Variants in SNW1 observed in about 807,000 individuals in gnomAD.
SNW1 encodes SNW domain-containing protein 1.
In SNW1, 9 loss-of-function variants were observed where a neutral mutation model predicts 75.6. That is an observed-to-expected ratio of 0.12 (90% CI 0.07 to 0.21). SNW1 has a LOEUF of 0.21. SNW1 is among the 10% of genes least tolerant of loss of function. The pLI is 1.00. For missense variants in SNW1, 409 were observed against 670.9 expected, an observed-to-expected ratio of 0.61 and a Z score of 4.31; for synonymous variants, 200 against 219.1, an observed-to-expected ratio of 0.91 and a Z score of 0.77.
chr14:77,724,137 C>A (rs2080565601), intron 10 of SNW1, among the ~76,000 whole-genome samples: 1 of 152,072 alleles, frequency 6.6e-6, no homozygotes. Flanking sequence ...GACAGATGGA[C>A]AGAAAGATGG....
At chr14:77,749,481 A>G in intron 3 of SNW1, among the ~76,000 whole-genome samples, 1 of 152,308 alleles carries the variant, frequency 6.6e-6, no homozygotes, top group African/African-American at 2.4e-5. Flanking sequence ...CTTTCAAAAG[A>G]TAAGAAAGGC....
In SNW1 at chr14:77,759,413, T is replaced by C. The variant is rs116784012; in HGVS notation, c.14+1701A>G. ...TAGAGTCCCAGCTACTCTAGGGCGC[T>C]GAGGCAGGAGGATCACCTGAGCCTT... On this transcript the variant is annotated intron_variant, in intron 1 of 13. Transcript: ENST00000261531. Among the ~76,000 whole-genome samples the C allele has an allele frequency of 5.1e-3, 774 of 152,206 alleles. 9 individuals carry two copies. Among genetic ancestry groups the C allele is most frequent in the African/African-American group, 0.017 (719 of 41,528 alleles).
intron 1 of SNW1, among the ~76,000 whole-genome samples, chr14:77,759,141 TGG>T (rs1164176729): frequency 8.0e-6 from 1 of 125,350 alleles, no homozygotes; most frequent in East Asian, 3.1e-4. Flanking sequence ...ATGGTAGGTA[TGG>T]AAAGCTCTGG....
intron 13 of SNW1, 21 bp from the exon 14 acceptor site, chr14:77,718,307 CTA>C (rs760543404): frequency 1.6e-5 from 26 of 1,614,094 alleles, no homozygotes; most frequent in Admixed American, 8.3e-5. Flanking sequence ...GGAGAAAAAA[CTA>C]TGAACTACTT....
chr14:77,753,778 C>T (rs556910862), intron 2 of SNW1, among the ~76,000 whole-genome samples: 2 of 151,698 alleles, frequency 1.3e-5, no homozygotes, highest in African/African-American at 2.4e-5. Context: ...ATGGTGAAAC[C>T]CTGTCTGTAC....
Position 77,717,705 on chromosome 14 carries a change from A to C in SNW1, c.*383T>G, listed in dbSNP as rs1444661616. The C allele has an allele frequency of 1.4e-6, 1 of 708,370 alleles. No homozygotes were observed. The highest frequency in any genetic ancestry group is 2.7e-5 in the Admixed American group (1 of 37,196). 43.9% of individuals were successfully genotyped at this position (708,370 alleles called of 1,614,324 possible). On this transcript the variant is annotated 3_prime_UTR_variant, in exon 14 of 14. Transcript: ENST00000261531. ...ACAATAGGGGCAAAATTTATTTGGC[A>C]GGACAGTTCCAGTATGTGAACATCT...
intron 2 of SNW1, among the ~76,000 whole-genome samples, chr14:77,754,337 C>T (rs2080829140): frequency 6.6e-6 from 1 of 152,148 alleles, no homozygotes; most frequent in Non-Finnish European, 1.5e-5. Context: ...AGCCACTGCG[C>T]CCGACCGGAA....
chr14:77,738,282 C>CA, intron 5 of SNW1, among the ~76,000 whole-genome samples: 1 of 152,214 alleles, frequency 6.6e-6, no homozygotes, highest in South Asian at 2.1e-4. Context: ...GCCTGGGCAA[C>CA]AGAGCAAGAT....
At chr14:77,759,371 G>A (rs2080867585) in intron 1 of SNW1, among the ~76,000 whole-genome samples, 1 of 152,010 alleles carries the variant, frequency 6.6e-6, no homozygotes, top group Admixed American at 6.6e-5. Flanking sequence ...AATTAACTGG[G>A]CATCATGGCA....
intron 10 of SNW1, among the ~76,000 whole-genome samples, chr14:77,725,475 T>C (rs2080577694): frequency 6.6e-6 from 1 of 152,238 alleles, no homozygotes; most frequent in African/African-American, 2.4e-5. Context: ...TACATTTAAG[T>C]CTTTAATCCA....
At chr14:77,733,781 GA>G (rs200472825) in intron 8 of SNW1, among the ~76,000 whole-genome samples, 5 of 98,444 alleles carry the variant, frequency 5.1e-5, no homozygotes, top group Admixed American at 9.7e-5. Context: ...AAAGAAAAAA[GA>G]AAAAAAAATG....
chr14:77,736,550 AAAAAC>A (rs796476139), intron 6 of SNW1, among the ~76,000 whole-genome samples: 1,085 of 95,030 alleles, frequency 0.011, 7 homozygotes, highest in Middle Eastern at 0.047. Context: ...CTGTCTCTCA[AAAAAC>A]AAAAACAAAA....
At chr14:77,742,899 G>C (rs1424168436) in intron 3 of SNW1, among the ~76,000 whole-genome samples, 1 of 151,526 alleles carries the variant, frequency 6.6e-6, no homozygotes, top group Non-Finnish European at 1.5e-5. Flanking sequence ...TATTTCAGAG[G>C]GAAAAATACA....
chr14:77,733,885 C>T (rs947840604), intron 8 of SNW1: 4 of 415,326 alleles, frequency 9.6e-6, no homozygotes, highest in African/African-American at 8.2e-5. Flanking sequence ...AACTTTCAGG[C>T]TTAGCTTTAT....
At chr14:77,743,273 A>G (rs1169444315) in intron 3 of SNW1, among the ~76,000 whole-genome samples, 1 of 152,014 alleles carries the variant, frequency 6.6e-6, no homozygotes, top group Non-Finnish European at 1.5e-5. Flanking sequence ...AAAAAAAAGC[A>G]TTTGGTTGTA....
Position 77,755,078 on chromosome 14 carries a change from C to T in SNW1, c.57G>A (p.Glu19=). 1 of 1,613,036 alleles carries T rather than the reference C, an allele frequency of 6.2e-7. No homozygotes were observed. The highest frequency in any genetic ancestry group is 8.5e-7 in the Non-Finnish European group (1 of 1,179,936). The part of the protein sequence containing the change: ...APTQLSQDQL[E]AEEKARSQRS... ...TCTGGGATCTTGCCTTTTCTTCAGC[C>T]TCAAGCTGGTCCTGAGATAGCTGAG... Residue 19 remains glutamate (E), a synonymous_variant, in exon 2 of 14, where the codon GAG becomes GAA. Transcript: ENST00000261531.
intron 5 of SNW1, 102 bp downstream of exon 5, chr14:77,738,676 G>A: frequency 1.3e-6 from 1 of 765,560 alleles, no homozygotes; most frequent in Non-Finnish European, 2.2e-6. Context: ...TGAAAACAAT[G>A]CATTTATAAT....
chr14:77,734,229 C>G (rs1468411253), intron 8 of SNW1, among the ~76,000 whole-genome samples: 1 of 152,214 alleles, frequency 6.6e-6, no homozygotes, highest in South Asian at 2.1e-4. Flanking sequence ...TAAGCCTTCA[C>G]TACTACAGAG....
intron 3 of SNW1, among the ~76,000 whole-genome samples, chr14:77,747,638 C>T (rs536314373): frequency 1.5e-4 from 22 of 151,276 alleles, no homozygotes; most frequent in African/African-American, 3.9e-4. Context: ...CCCCTCCGCC[C>T]GGCAGCCGTC....
Sources: gnomAD v4.1 joint callset for allele counts (sites outside exome capture counted in the v4.1 genomes callset) on GRCh38, gnomAD v4.1.1 for gene constraint, MANE v1.5 for transcripts, NCBI Gene and HGNC (gene_info 2026-07-23, HGNC 2026-07-21) for gene names.